Variants in EHBP1 observed in about 807,000 individuals in gnomAD.
The protein encoded by EHBP1 is EH domain-binding protein 1.
EHBP1 carries 55 observed loss-of-function variants against 144.0 expected under a neutral mutation model. The ratio of observed to expected loss-of-function variants is 0.38; its 90% confidence interval spans 0.31 to 0.48. The LOEUF (loss-of-function observed/expected upper bound fraction) is 0.48, where lower values mean the gene tolerates loss of function less well. Among genes scored for constraint, EHBP1 ranks in the 20% least tolerant of loss-of-function variants. The pLI, the probability that EHBP1 is intolerant of heterozygous loss-of-function variation, is 0.98. For missense variants in EHBP1, 1,200 were observed against 1,364.2 expected (o/e 0.88, Z 1.90); for synonymous variants, 469 against 472.7 (o/e 0.99, Z 0.10).
rs530953671 is a variant in EHBP1 at position 62,804,646 on chromosome 2, G to T, written c.313-21441G>T. On this transcript the variant is annotated intron_variant, in intron 5 of 22. Coordinates refer to ENST00000431489, the MANE Select transcript of EHBP1 (RefSeq NM_001142616.3). ...TTTTGGCCAAGACCCACTTATTGAT[G>T]GGAGTATAAATTGGTATTGTATAAA... Among the ~76,000 whole-genome samples, 28 of 152,294 alleles carry T rather than the reference G, an allele frequency of 1.8e-4. No individual in the cohort carries two copies. In the South Asian group the frequency reaches 5.2e-3, roughly 28 times the overall value.
intron 19 of EHBP1, among the ~76,000 whole-genome samples, chr2:63,033,697 AC>A (rs1271222386): frequency 6.6e-6 from 1 of 152,156 alleles, no homozygotes; most frequent in African/African-American, 2.4e-5. Context: ...TGTTGAAAAT[AC>A]TACTTCTGAA....
At chr2:62,956,688 G>GAAA (rs552448173) in intron 14 of EHBP1, among the ~76,000 whole-genome samples, 6 of 107,466 alleles carry the variant, frequency 5.6e-5, no homozygotes, top group African/African-American at 6.4e-5. Flanking sequence ...TCTACTTACA[G>GAAA]AAAAAAAAAA....
intron 2 of EHBP1, among the ~76,000 whole-genome samples, chr2:62,737,898 G>C (rs1386275043): frequency 3.3e-5 from 5 of 152,116 alleles, no homozygotes; most frequent in Admixed American, 3.3e-4. Context: ...CAAGTAGCTA[G>C]GACTACAGGG....
chr2:62,868,187 C>T (rs1453824301), intron 9 of EHBP1, among the ~76,000 whole-genome samples: 1 of 152,008 alleles, frequency 6.6e-6, no homozygotes, highest in Non-Finnish European at 1.5e-5. Flanking sequence ...CCAGCGTGGC[C>T]AACATGGTGA....
At chr2:62,993,803 T>A in intron 17 of EHBP1, 68 bp from the exon 18 acceptor site, 1 of 1,282,016 alleles carries the variant, frequency 7.8e-7, no homozygotes, top group Non-Finnish European at 1.0e-6. Context: ...TAATGTAAAT[T>A]CACATTTCAA....
At chr2:62,868,778 T>C (rs188027612) in intron 9 of EHBP1, among the ~76,000 whole-genome samples, 44 of 151,992 alleles carry the variant, frequency 2.9e-4, no homozygotes, top group Admixed American at 2.0e-3. Context: ...CAAGAGTCTA[T>C]CTCTTAAAAA....
chr2:62,998,505 A>G (rs1203631515), intron 19 of EHBP1, among the ~76,000 whole-genome samples: 2 of 152,162 alleles, frequency 1.3e-5, no homozygotes, highest in East Asian at 3.9e-4. Context: ...ATTGTGTTGG[A>G]TAAATTCAAT....
At chr2:62,838,410 C>T (rs2047484167) in intron 7 of EHBP1, among the ~76,000 whole-genome samples, 1 of 151,408 alleles carries the variant, frequency 6.6e-6, no homozygotes, top group Admixed American at 6.6e-5. Context: ...AATTGACACC[C>T]TAACATCACA....
intron 19 of EHBP1, among the ~76,000 whole-genome samples, chr2:63,026,328 G>C (rs1198168883): frequency 1.3e-5 from 2 of 151,316 alleles, no homozygotes; most frequent in African/African-American, 4.9e-5. Flanking sequence ...GTGTGTGTGT[G>C]TGTGTGTGTG....
At chr2:62,758,209 A>G (rs144956813) in intron 3 of EHBP1, among the ~76,000 whole-genome samples, 66 of 152,220 alleles carry the variant, frequency 4.3e-4, no homozygotes, top group African/African-American at 1.5e-3. Flanking sequence ...TTCAGGTTCA[A>G]GCAATTCTCA....
chr2:62,842,094 C>CTTTTTTTTTTTT (rs555042055), intron 7 of EHBP1, among the ~76,000 whole-genome samples: 15 of 147,526 alleles, frequency 1.0e-4, no homozygotes, highest in African/African-American at 3.7e-4. Context: ...CCCTCAAAGC[C>CTTTTTTTTTTTT]TTTTTTTTTT....
At chr2:62,966,971 T>C (rs1199989832) in intron 14 of EHBP1, among the ~76,000 whole-genome samples, 3 of 152,212 alleles carry the variant, frequency 2.0e-5, no homozygotes, top group Non-Finnish European at 4.4e-5. Context: ...TTAAGCTATT[T>C]CTTCCTATCA....
At chr2:62,835,133 G>A (rs2047111301) in intron 7 of EHBP1, among the ~76,000 whole-genome samples, 1 of 151,634 alleles carries the variant, frequency 6.6e-6, no homozygotes, top group Admixed American at 6.6e-5. Flanking sequence ...TATTTTCTTG[G>A]CATATTTGTC....
chr2:62,823,198 A>G (rs2046106528), intron 5 of EHBP1, among the ~76,000 whole-genome samples: 1 of 152,112 alleles, frequency 6.6e-6, no homozygotes, highest in South Asian at 2.1e-4. Context: ...TAAACATTGA[A>G]GTTTAAGAAC....
intron 19 of EHBP1, among the ~76,000 whole-genome samples, chr2:63,017,921 T>A (rs1023211592): frequency 6.6e-6 from 1 of 152,160 alleles, no homozygotes. Flanking sequence ...CCCAGCACTT[T>A]GGGAGGCTTA....
At chr2:62,937,044 A>G (rs2056432089) in intron 10 of EHBP1, among the ~76,000 whole-genome samples, 1 of 152,206 alleles carries the variant, frequency 6.6e-6, no homozygotes, top group Admixed American at 6.5e-5. Context: ...ATCCAACAGA[A>G]TGGACAGGTT....
chr2:63,040,511 A>G (rs931254823), intron 21 of EHBP1, among the ~76,000 whole-genome samples: 1 of 152,210 alleles, frequency 6.6e-6, no homozygotes, highest in African/African-American at 2.4e-5. Context: ...CTGCTTGCAC[A>G]TACAGAAAAG....
intron 10 of EHBP1, among the ~76,000 whole-genome samples, chr2:62,876,989 A>C (rs1452548605): frequency 6.6e-6 from 1 of 152,220 alleles, no homozygotes; most frequent in Non-Finnish European, 1.5e-5. Context: ...AACCAAATCC[A>C]CATATGACAA....
chr2:62,758,942 A>G (rs1166136099), intron 3 of EHBP1, among the ~76,000 whole-genome samples: 1 of 152,228 alleles, frequency 6.6e-6, no homozygotes, highest in Admixed American at 6.5e-5. Context: ...ACTATATGGC[A>G]TTTGTAAATT....
Sources: gnomAD v4.1 joint callset for allele counts (sites outside exome capture counted in the v4.1 genomes callset) on GRCh38, gnomAD v4.1.1 for gene constraint, MANE v1.5 for transcripts, NCBI Gene and HGNC (gene_info 2026-07-23, HGNC 2026-07-21) for gene names.